Variants in UVRAG observed in about 807,000 individuals in gnomAD.
The protein encoded by UVRAG is UV radiation resistance-associated gene protein.
Under a neutral mutation model 78.0 loss-of-function variants are expected in UVRAG, and 19 were observed. The ratio of observed to expected loss-of-function variants is 0.24; its 90% CI spans 0.17 to 0.36. The LOEUF is 0.36. Ranked by LOEUF, UVRAG falls within the 10% of genes least tolerant of loss-of-function variation. The pLI is 1.00. For missense variants in UVRAG, 740 were observed against 853.8 expected, an observed-to-expected ratio of 0.87 and a Z score of 1.66; for synonymous variants, 323 against 324.6, an observed-to-expected ratio of 1.00 and a Z score of 0.05.
At chr11:75,858,340 C>G (rs1764569264) in intron 2 of UVRAG, among the ~76,000 whole-genome samples, 1 of 152,092 alleles carries the variant, frequency 6.6e-6, no homozygotes, top group Non-Finnish European at 1.5e-5. Context: ...CCTTTCTCTC[C>G]TCTTTTTTAC....
rs138567920 is a variant in UVRAG, at chr11:75,824,056, T to C, written c.117+8532T>C. On this transcript the variant is annotated intron_variant, in intron 1 of 14. Coordinates refer to ENST00000356136, the MANE Select transcript of UVRAG (RefSeq NM_003369.4). ...TGCTAATCTAATTTAATCATTTTTC[T>C]ATTACTAAAAAAAAAATCAGCTTTA... is the stretch of plus-strand genomic sequence containing the variant. Among the ~76,000 whole-genome samples the C allele has an allele frequency of 9.8e-5, 15 of 152,322 alleles. 1 individual carries two copies. Among genetic ancestry groups the C allele is most frequent in the Admixed American group, 2.6e-4 (4 of 15,294 alleles).
rs1210041128 is a variant in UVRAG, at chr11:75,977,499, G to T, written c.700-5888G>T. On this transcript the variant is annotated intron_variant, in intron 7 of 14. Coordinates refer to ENST00000356136, the MANE Select transcript of UVRAG (RefSeq NM_003369.4). ...TAAAGTCTCCCATTATTATTGTGTG[G>T]GACTCTAAGTCTCTTTGTAGGTCTC... Among the ~76,000 whole-genome samples the T allele has an allele frequency of 3.3e-5, 5 of 151,954 alleles. No homozygotes were observed. The East Asian group carries it at 9.6e-4, about 29-fold the overall frequency.
At chr11:76,028,810 G>A (rs1950379499) in intron 12 of UVRAG, among the ~76,000 whole-genome samples, 2 of 152,186 alleles carry the variant, frequency 1.3e-5, no homozygotes, top group South Asian at 4.1e-4. Context: ...AGTACAAGGT[G>A]AAGCAGGAAG....
intron 12 of UVRAG, among the ~76,000 whole-genome samples, chr11:76,021,063 C>G (rs1950237833): frequency 6.6e-6 from 1 of 152,128 alleles, no homozygotes; most frequent in African/African-American, 2.4e-5. Flanking sequence ...AGCACAGATG[C>G]TCTGTATCTC....
At chr11:76,130,685 A>G (rs1952497405) in intron 14 of UVRAG, among the ~76,000 whole-genome samples, 8 of 152,190 alleles carry the variant, frequency 5.3e-5, no homozygotes, top group Admixed American at 5.2e-4. Flanking sequence ...GTTCAGTGAG[A>G]GTTTATTAGA....
intron 1 of UVRAG, among the ~76,000 whole-genome samples, chr11:75,820,729 G>C (rs578013518): frequency 6.6e-6 from 1 of 152,136 alleles, no homozygotes; most frequent in African/African-American, 2.4e-5. Flanking sequence ...ATATATTATT[G>C]ACTAAAAAAG....
chr11:75,923,501 T>G (rs1948023469), intron 6 of UVRAG, among the ~76,000 whole-genome samples: 1 of 152,176 alleles, frequency 6.6e-6, no homozygotes, highest in African/African-American at 2.4e-5. Context: ...GCTGGGAAGA[T>G]GAAAGGTATT....
chr11:75,906,237 G>T (rs1027995020), intron 5 of UVRAG, among the ~76,000 whole-genome samples: 1 of 151,974 alleles, frequency 6.6e-6, no homozygotes, highest in Non-Finnish European at 1.5e-5. Context: ...TTGTACTAAT[G>T]CTTTTTATAT....
chr11:75,925,837 A>G (rs1482713072), intron 6 of UVRAG, among the ~76,000 whole-genome samples: 1 of 152,210 alleles, frequency 6.6e-6, no homozygotes, highest in Non-Finnish European at 1.5e-5. Context: ...TGCAATTCCA[A>G]TACTATTACA....
At chr11:75,867,984 A>G (rs1946571207) in intron 3 of UVRAG, among the ~76,000 whole-genome samples, 1 of 152,224 alleles carries the variant, frequency 6.6e-6, no homozygotes, top group Non-Finnish European at 1.5e-5. Context: ...GTGGTCAAAG[A>G]TTGTAGGACT....
chr11:75,900,778 C>T (rs1355366045), intron 5 of UVRAG, among the ~76,000 whole-genome samples: 1 of 152,194 alleles, frequency 6.6e-6, no homozygotes, highest in Non-Finnish European at 1.5e-5. Context: ...TGAACAAAAA[C>T]ATCTTCATCT....
intron 1 of UVRAG, among the ~76,000 whole-genome samples, chr11:75,828,669 A>G (rs1324852873): frequency 6.8e-6 from 1 of 146,844 alleles, no homozygotes; most frequent in East Asian, 2.0e-4. Flanking sequence ...AAATAAATAT[A>G]TAAATATATA....
At chr11:75,923,364 G>A (rs897932887) in intron 6 of UVRAG, among the ~76,000 whole-genome samples, 1 of 152,030 alleles carries the variant, frequency 6.6e-6, no homozygotes, top group African/African-American at 2.4e-5. Context: ...TGTTATGGGG[G>A]GAGGTATAAA....
chr11:75,898,732 C>T (rs536273691), intron 5 of UVRAG, among the ~76,000 whole-genome samples: 3 of 152,256 alleles, frequency 2.0e-5, no homozygotes, highest in Non-Finnish European at 2.9e-5. Flanking sequence ...AGCGACATCT[C>T]CTTTAACTTA....
chr11:76,124,228 A>G (rs1468922247), intron 14 of UVRAG, among the ~76,000 whole-genome samples: 2 of 152,282 alleles, frequency 1.3e-5, no homozygotes, highest in Non-Finnish European at 2.9e-5. Flanking sequence ...ATTATTAAGT[A>G]TTAAAGAATT....
chr11:76,099,927 C>G (rs1279846194), intron 13 of UVRAG, among the ~76,000 whole-genome samples: 3 of 151,726 alleles, frequency 2.0e-5, no homozygotes, highest in African/African-American at 7.3e-5. Flanking sequence ...TTTTATAGCT[C>G]TAGACTTTTT....
chr11:75,917,826 A>T (rs1365985461), intron 6 of UVRAG, among the ~76,000 whole-genome samples: 2 of 152,178 alleles, frequency 1.3e-5, no homozygotes, highest in South Asian at 2.1e-4. Context: ...AACCATATTG[A>T]TTCTTTGGCA....
At chr11:75,968,272 A>C (rs139075453) in intron 7 of UVRAG, among the ~76,000 whole-genome samples, 4 of 152,370 alleles carry the variant, frequency 2.6e-5, no homozygotes, top group African/African-American at 7.2e-5. Flanking sequence ...TTCAGTTCAC[A>C]TATAGTGTTG....
chr11:75,838,768 A>G (rs750564423), intron 1 of UVRAG, among the ~76,000 whole-genome samples: 19 of 152,204 alleles, frequency 1.2e-4, no homozygotes, highest in Non-Finnish European at 2.2e-4. Flanking sequence ...AGTCCCCAGT[A>G]TGGCAGTATT....
Sources: gnomAD v4.1 joint callset for allele counts (sites outside exome capture counted in the v4.1 genomes callset) on GRCh38, gnomAD v4.1.1 for gene constraint, MANE v1.5 for transcripts, NCBI Gene and HGNC (gene_info 2026-07-23, HGNC 2026-07-21) for gene names.